Variants in CHRNA9 observed in about 807,000 individuals in gnomAD.
CHRNA9 encodes cholinergic receptor nicotinic alpha 9 subunit.
CHRNA9 carries 24 observed loss-of-function variants against 36.8 expected under a neutral mutation model. The observed-to-expected ratio is 0.65, with a 90% CI of 0.47 to 0.92. The LOEUF (loss-of-function observed/expected upper bound fraction) is 0.92. Among genes scored for constraint, CHRNA9 ranks in the 40% least tolerant of loss-of-function variants. The probability of loss-of-function intolerance (pLI) is 0.00; values close to 1 mark genes in which losing one functional copy is unlikely to be tolerated. For missense variants in CHRNA9, 610 were observed against 601.2 expected (o/e 1.01, Z -0.15); for synonymous variants, 231 against 231.8 (o/e 1.00, Z 0.03).
intron 3 of CHRNA9, among the ~76,000 whole-genome samples, chr4:40,344,354 G>A (rs569123595): frequency 1.3e-4 from 20 of 152,202 alleles, no homozygotes; most frequent in African/African-American, 4.3e-4. Flanking sequence ...AACATGGCAA[G>A]ATTCCCGTCT....
intron 4 of CHRNA9, among the ~76,000 whole-genome samples, chr4:40,352,374 A>ACC (rs1293365768): frequency 1.7e-4 from 26 of 152,070 alleles, no homozygotes; most frequent in African/African-American, 6.3e-4. Context: ...GGCACGTGCC[A>ACC]ATACACCCAG....
rs770509490 is a variant in CHRNA9 at position 40,354,020 on chromosome 4, A to T, written c.940A>T (p.Thr314Ser). ...IATMALITAS[T>S]ALTIMVMNIH... ...CACGATGGCCCTGATCACAGCCTCC[A>T]CTGCGTTGACCATCATGGTGATGAA... Residue 314 changes from threonine (T) to serine (S), a missense_variant, in exon 5 of 5, where the codon ACT (threonine) becomes TCT (serine). By Grantham distance (58) the Thr-to-Ser change is moderately conservative. Transcript: ENST00000310169. 1.9e-6 allele frequency: 3 copies of T among 1,613,560 alleles called. No homozygotes were observed. The highest frequency in any genetic ancestry group is 2.5e-6 in the Non-Finnish European group (3 of 1,179,594).
chr4:40,343,334 TG>T (rs761702926), intron 3 of CHRNA9, among the ~76,000 whole-genome samples: 1 of 152,172 alleles, frequency 6.6e-6, no homozygotes, highest in African/African-American at 2.4e-5. Context: ...TTCACATGGC[TG>T]GGGAGGCCTC....
At chr4:40,346,101 C>G (rs1712630939) in intron 3 of CHRNA9, among the ~76,000 whole-genome samples, 1 of 152,224 alleles carries the variant, frequency 6.6e-6, no homozygotes, top group Non-Finnish European at 1.5e-5. Flanking sequence ...TTTTGGTCAG[C>G]AGGTTCCCTT....
chr4:40,335,782 C>T (rs1420274927), intron 1 of CHRNA9, 45 bp from the exon 2 acceptor site: 1 of 1,582,800 alleles, frequency 6.3e-7, no homozygotes, highest in Admixed American at 1.7e-5. Flanking sequence ...TCTTGAAATA[C>T]ACACAACACT....
intron 3 of CHRNA9, among the ~76,000 whole-genome samples, chr4:40,343,794 C>T (rs1712564429): frequency 6.6e-6 from 1 of 152,226 alleles, no homozygotes; most frequent in African/African-American, 2.4e-5. Flanking sequence ...GAAATTAATA[C>T]ATATTGGCCA....
At position 40,348,929 on chromosome 4, in the gene CHRNA9, G is replaced by A. The variant is rs533024809; in HGVS notation, c.413G>A (p.Arg138Gln). ...SEPVNTNVVLRYDGLITWDAP... is the reference protein window; with the variant it reads ...SEPVNTNVVLQYDGLITWDAP... ...CCTGTGAACACCAATGTGGTCCTGC[G>A]GTATGATGGGCTGATCACCTGGGAT... Residue 138 changes from arginine (R) to glutamine (Q), a missense_variant, in exon 4 of 5, where the codon CGG (arginine) becomes CAG (glutamine). Transcript: ENST00000310169. 30 of 1,614,086 alleles carry A rather than the reference G, an allele frequency of 1.9e-5. No individual in the cohort carries two copies. The South Asian group carries it at 2.1e-4, about 11-fold the overall frequency.
intron 3 of CHRNA9, among the ~76,000 whole-genome samples, chr4:40,342,749 G>A (rs1373819501): frequency 6.6e-6 from 1 of 152,132 alleles, no homozygotes; most frequent in Non-Finnish European, 1.5e-5. Flanking sequence ...TGTGTGGAAG[G>A]AGATGAGAGA....
At chr4:40,340,369 C>T (rs1189001475) in intron 3 of CHRNA9, among the ~76,000 whole-genome samples, 1 of 152,158 alleles carries the variant, frequency 6.6e-6, no homozygotes, top group African/African-American at 2.4e-5. Context: ...AGTAAAACTT[C>T]TCAGAGTTTT....
In CHRNA9 at chr4:40,353,997, C is replaced by T. The variant is rs757398818; in HGVS notation, c.917C>T (p.Thr306Met). 12 of 1,606,104 alleles carry T rather than the reference C, an allele frequency of 7.5e-6. No individual in the cohort carries two copies. Among genetic ancestry groups the T allele is most frequent in the Admixed American group, 3.4e-5 (2 of 59,168 alleles). The change falls in exon 5 of 5, where the codon ACG (threonine) becomes ATG (methionine). Residue 306 changes from threonine (T) to methionine (M), a missense_variant. Physicochemically the swap from Thr to Met is moderately conservative, Grantham distance 81 (BLOSUM62 -1). Coordinates refer to ENST00000310169, the MANE Select transcript of CHRNA9 (RefSeq NM_017581.4). ...VPLIGKYYIA[T>M]MALITASTAL... Reference sequence around the variant, plus strand: ...ATTCCAGGTAAATACTACATAGCCACGATGGCCCTGATCACAGCCTCCACT... The same window carrying T: ...ATTCCAGGTAAATACTACATAGCCATGATGGCCCTGATCACAGCCTCCACT...
chr4:40,353,352 G>A (rs865833302), intron 4 of CHRNA9, among the ~76,000 whole-genome samples: 4 of 152,128 alleles, frequency 2.6e-5, no homozygotes, highest in Admixed American at 6.5e-5. Context: ...TTAGCCGGGC[G>A]TAGTGGTGGG....
rs1241726079 is a variant in CHRNA9, at chr4:40,349,136, G to A, written c.620G>A (p.Gly207Asp). Residue 207 changes from glycine to aspartate, a missense_variant, in exon 4 of 5, where the codon GGC (glycine) becomes GAC (aspartate). Transcript: ENST00000310169. ...FIEDVEWEVHGMPAVKNVISY... is the reference protein window; with the variant it reads ...FIEDVEWEVHDMPAVKNVISY... The stretch of plus-strand genomic sequence containing the variant: ...GAAGATGTGGAATGGGAGGTCCATG[G>A]CATGCCCGCTGTGAAGAATGTGATC... 6.2e-7 allele frequency: 1 copy of A among 1,614,172 alleles called. No homozygotes were observed.
intron 1 of CHRNA9, 121 bp from the exon 2 acceptor site, chr4:40,335,706 C>A (rs1377176084): frequency 8.9e-7 from 1 of 1,118,530 alleles, no homozygotes; most frequent in Non-Finnish European, 1.3e-6. Flanking sequence ...CATCCATCCA[C>A]CCAAAGCTTG....
intron 3 of CHRNA9, among the ~76,000 whole-genome samples, chr4:40,346,345 G>A (rs555965717): frequency 6.6e-6 from 1 of 152,342 alleles, no homozygotes; most frequent in Admixed American, 6.5e-5. Flanking sequence ...TTCATGTCCA[G>A]GAATGGTTTC....
chr4:40,335,891 T>C lies in CHRNA9; in HGVS notation c.129T>C (p.Ser43=), dbSNP rs10022491. The part of the protein sequence containing the change: ...KLFNDLFEDY[S]NALRPVEDTD... Reference sequence around the variant, plus strand: ...TTAATGACCTTTTTGAAGATTATTCTAATGCTCTTCGTCCAGTGGAAGATA... The same window carrying C: ...TTAATGACCTTTTTGAAGATTATTCCAATGCTCTTCGTCCAGTGGAAGATA... The change falls in exon 2 of 5, where the codon TCT becomes TCC. Residue 43 remains serine (S), a synonymous_variant. Transcript: ENST00000310169. 912,717 of 1,608,422 alleles carry C rather than the reference T, an allele frequency of 0.57. 264,161 individuals carry two copies. The highest frequency in any genetic ancestry group is 0.88 in the African/African-American group (65,943 of 74,920).
At chr4:40,353,740 C>G (rs1712866524) in intron 4 of CHRNA9, among the ~76,000 whole-genome samples, 1 of 152,188 alleles carries the variant, frequency 6.6e-6, no homozygotes, top group African/African-American at 2.4e-5. Flanking sequence ...GTATTCAATA[C>G]AGTAACATGC....
At chr4:40,341,329 G>A (rs1308218064) in intron 3 of CHRNA9, among the ~76,000 whole-genome samples, 1 of 151,304 alleles carries the variant, frequency 6.6e-6, no homozygotes, top group Non-Finnish European at 1.5e-5. Context: ...CTGTCACCTA[G>A]GCTAGAGTGC....
intron 2 of CHRNA9, among the ~76,000 whole-genome samples, chr4:40,336,488 T>G (rs1231958405): frequency 1.1e-5 from 1 of 95,180 alleles, no homozygotes; most frequent in Admixed American, 1.4e-4. Context: ...TGATCTTAAT[T>G]TTTTTTTTGA....
intron 3 of CHRNA9, among the ~76,000 whole-genome samples, chr4:40,346,719 G>GCACC (rs1419103369): frequency 6.6e-6 from 1 of 152,046 alleles, no homozygotes; most frequent in Non-Finnish European, 1.5e-5. Flanking sequence ...TAATATTGTG[G>GCACC]CACCCATTTC....
Sources: gnomAD v4.1 joint callset for allele counts (sites outside exome capture counted in the v4.1 genomes callset) on GRCh38, gnomAD v4.1.1 for gene constraint, MANE v1.5 for transcripts, NCBI Gene and HGNC (gene_info 2026-07-23, HGNC 2026-07-21) for gene names.